The following PRKCE variants were observed in gnomAD, a reference collection of about 807,000 sequenced individuals.
The protein encoded by PRKCE is protein kinase C epsilon type.
A neutral mutation model predicts 85.4 loss-of-function variants in PRKCE; 16 were observed. The ratio of observed to expected loss-of-function variants is 0.19; its 90% CI spans 0.13 to 0.28. PRKCE has a LOEUF of 0.28. Among genes scored for constraint, PRKCE ranks in the 10% least tolerant of loss-of-function variants. The pLI is 1.00. For missense variants in PRKCE, 573 were observed against 975.2 expected, an observed-to-expected ratio of 0.59 and a Z score of 5.49; for synonymous variants, 388 against 371.5, an observed-to-expected ratio of 1.04 and a Z score of -0.51.
Position 45,905,014 on chromosome 2 carries a change from C to T in PRKCE, c.412+61951C>T, listed in dbSNP as rs896285022. The stretch of plus-strand genomic sequence containing the variant: ...ATTGTACAGACAGCGACAGGGGCTC[C>T]ACATCACTTCAGCAGGCACGGTGAC... On this transcript the variant is annotated intron_variant, in intron 2 of 14. Coordinates refer to ENST00000306156, the MANE Select transcript of PRKCE (RefSeq NM_005400.3). The surrounding 1 kb of genome is among the most constrained non-coding windows in gnomAD (Gnocchi z 4.4). 4.6e-5 allele frequency among the ~76,000 whole-genome samples: 7 copies of T among 152,186 alleles called. No homozygotes were observed. Among genetic ancestry groups the T allele is most frequent in the Non-Finnish European group, 5.9e-5 (4 of 68,028 alleles).
chr2:46,110,962 A>G (rs1013842290), intron 11 of PRKCE, among the ~76,000 whole-genome samples: 1 of 152,146 alleles, frequency 6.6e-6, no homozygotes, highest in Non-Finnish European at 1.5e-5. Context: ...GTGCTCTTTA[A>G]AAGTGTATTG....
rs567044731 is a variant in PRKCE at position 45,828,169 on chromosome 2, G to T, written c.349-14831G>T. Among the ~76,000 whole-genome samples the T allele has an allele frequency of 3.3e-5, 5 of 152,336 alleles. No individual in the cohort carries two copies. In the South Asian group the frequency reaches 6.2e-4, roughly 19 times the overall value. On this transcript the variant is annotated intron_variant, in intron 1 of 14. Transcript: ENST00000306156. The stretch of plus-strand genomic sequence containing the variant: ...TAACATTGTCTGGAATATAAAAAAT[G>T]TGGACTGCCTCACCTCACAAAAGTG...
chr2:45,874,709 A>C (rs936277876), intron 2 of PRKCE, among the ~76,000 whole-genome samples: 2 of 152,192 alleles, frequency 1.3e-5, no homozygotes, highest in Admixed American at 1.3e-4. Context: ...GTGATTGAAA[A>C]GCAGCTGGTG....
chr2:45,784,482 G>A lies in PRKCE; in HGVS notation c.349-58518G>A, dbSNP rs114617146. Among the ~76,000 whole-genome samples the A allele has an allele frequency of 6.2e-3, 942 of 152,292 alleles. 4 individuals carry two copies. Among genetic ancestry groups the A allele is most frequent in the Non-Finnish European group, 0.01 (688 of 68,020 alleles). The stretch of plus-strand genomic sequence containing the variant: ...GCAAATCAGTGCTATAATCAGCTTC[G>A]TGTTGGGATTTGCAAAGTCGGAATC... On this transcript the variant is annotated intron_variant, in intron 1 of 14. Coordinates refer to ENST00000306156, the MANE Select transcript of PRKCE (RefSeq NM_005400.3).
At chr2:46,179,667 C>T (rs991043902) in intron 14 of PRKCE, among the ~76,000 whole-genome samples, 4 of 152,164 alleles carry the variant, frequency 2.6e-5, no homozygotes, top group East Asian at 1.9e-4. Flanking sequence ...AAACCCTGGT[C>T]GAACCTGTTT....
chr2:46,006,556 T>G (rs1416762300), intron 8 of PRKCE, among the ~76,000 whole-genome samples: 2 of 152,250 alleles, frequency 1.3e-5, no homozygotes, highest in Non-Finnish European at 2.9e-5. Context: ...TCCCAAGGGT[T>G]AATAGGCTAT....
chr2:46,078,180 T>C (rs1443776462), intron 10 of PRKCE: 2 of 152,196 alleles, frequency 1.3e-5, no homozygotes, highest in Non-Finnish European at 2.9e-5. Context: ...CACCTTGAAC[T>C]CTGCTTCCAG....
At chr2:45,731,617 ATTTTTTTTT>A (rs11329717) in intron 1 of PRKCE, among the ~76,000 whole-genome samples, 1 of 108,580 alleles carries the variant, frequency 9.2e-6, no homozygotes, top group African/African-American at 3.5e-5. Context: ...AATTCCTGGA[ATTTTTTTTT>A]TTTTTTTTTT....
chr2:45,744,413 T>C (rs536766384), intron 1 of PRKCE, among the ~76,000 whole-genome samples: 63 of 117,616 alleles, frequency 5.4e-4, no homozygotes, highest in Non-Finnish European at 8.6e-4. Flanking sequence ...CTTTCTTTTC[T>C]TTTCTTTCTT....
chr2:45,928,790 A>G (rs1025201380), intron 2 of PRKCE, among the ~76,000 whole-genome samples: 9 of 151,592 alleles, frequency 5.9e-5, no homozygotes, highest in Non-Finnish European at 1.3e-4. Flanking sequence ...TTTTTTTCCT[A>G]GAAAGGTCCG....
At position 46,086,283 on chromosome 2, in the gene PRKCE, G is replaced by T; in HGVS notation, c.1513G>T (p.Asp505Tyr). Residue 505 changes from aspartate to tyrosine, a missense_variant, in exon 11 of 15, where the codon GAC becomes TAC. By Grantham distance (160) the Asp-to-Tyr change is radical. Transcript: ENST00000306156. ...TCAGATTCAGCGCTCCCGAAAATTC[G>T]ACGAGCCTCGTTCACGGTTCTATGC... ...MFQIQRSRKF[D>Y]EPRSRFYAAE... 1 of 1,599,684 alleles carries T rather than the reference G, an allele frequency of 6.3e-7. No homozygotes were observed. The highest frequency in any genetic ancestry group is 8.5e-7 in the Non-Finnish European group (1 of 1,179,946).
At chr2:45,710,506 T>C (rs1679534120) in intron 1 of PRKCE, among the ~76,000 whole-genome samples, 1 of 152,258 alleles carries the variant, frequency 6.6e-6, no homozygotes, top group South Asian at 2.1e-4. Flanking sequence ...GAGTGTTTTT[T>C]AGCTCTATTT....
In PRKCE at chr2:45,984,601, C is replaced by G; in HGVS notation, c.744C>G (p.His248Gln). The change falls in exon 6 of 15, where the codon CAC becomes CAG. Residue 248 changes from histidine to glutamine, a missense_variant. Transcript: ENST00000306156. ...ACATGCCCCACAAGTTCGGTATCCA[C>G]AACTACAAGGTCCCTACCTTCTGCG... ...SVNMPHKFGI[H>Q]NYKVPTFCDH... 1.3e-6 allele frequency: 2 copies of G among 1,599,898 alleles called. No individual in the cohort carries two copies. Among genetic ancestry groups the G allele is most frequent in the Non-Finnish European group, 1.7e-6 (2 of 1,179,936 alleles).
At chr2:45,969,033 G>A (rs924286905) in intron 2 of PRKCE, among the ~76,000 whole-genome samples, 1 of 100,330 alleles carries the variant, frequency 1.0e-5, no homozygotes, top group African/African-American at 3.6e-5. Flanking sequence ...ATTATCCCGT[G>A]CATTGGGGCT....
At chr2:45,689,135 C>T (rs1161375668) in intron 1 of PRKCE, among the ~76,000 whole-genome samples, 1 of 152,170 alleles carries the variant, frequency 6.6e-6, no homozygotes, top group Non-Finnish European at 1.5e-5. Flanking sequence ...CACTTATTTG[C>T]TTTACAAGAA....
intron 6 of PRKCE, among the ~76,000 whole-genome samples, chr2:45,992,877 A>AATG (rs1553468719): frequency 8.6e-5 from 13 of 151,982 alleles, no homozygotes; most frequent in Non-Finnish European, 1.8e-4. Context: ...CCCAGACAAC[A>AATG]CTGCTGCTGC....
intron 1 of PRKCE, among the ~76,000 whole-genome samples, chr2:45,681,513 A>G (rs1676901133): frequency 2.0e-5 from 3 of 152,084 alleles, no homozygotes; most frequent in African/African-American, 4.8e-5. Flanking sequence ...TTTATGATGC[A>G]CCTAAGTACA....
intron 1 of PRKCE, among the ~76,000 whole-genome samples, chr2:45,810,939 C>T (rs1688614292): frequency 6.6e-6 from 1 of 152,172 alleles, no homozygotes; most frequent in South Asian, 2.1e-4. Context: ...TCATTTTTGT[C>T]CATTTCAAAG....
intron 12 of PRKCE, among the ~76,000 whole-genome samples, chr2:46,149,860 C>CT (rs35154754): frequency 0.2 from 28,406 of 140,690 alleles, 2,995 homozygotes; most frequent in Non-Finnish European, 0.26. Context: ...AGAAAAGATC[C>CT]TTTTTTTTTT....
Sources: allele counts gnomAD v4.1 joint callset (sites outside exome capture counted in the v4.1 genomes callset), GRCh38; gene constraint gnomAD v4.1.1; non-coding constraint Gnocchi (gnomAD v3.1); transcripts MANE v1.5; gene names NCBI Gene and HGNC (gene_info 2026-07-23, HGNC 2026-07-21).